The following ATRNL1 variants were observed in gnomAD, a reference collection of about 807,000 sequenced individuals.
The protein encoded by ATRNL1 is attractin-like protein 1.
In ATRNL1, 95 loss-of-function variants were observed where a neutral mutation model predicts 182.7. That is an observed-to-expected ratio of 0.52 (90% CI 0.44 to 0.62). ATRNL1 has a LOEUF of 0.62. Among genes scored for constraint, ATRNL1 ranks in the 20% least tolerant of loss-of-function variants. ATRNL1 has a pLI of 0.00. For synonymous variants in ATRNL1, 576 were observed against 568.3 expected, an observed-to-expected ratio of 1.01 and a Z score of -0.19; for missense variants, 1,471 against 1,679.5, an observed-to-expected ratio of 0.88 and a Z score of 2.17.
intron 21 of ATRNL1, among the ~76,000 whole-genome samples, chr10:115,452,969 T>G (rs149595002): frequency 9.2e-5 from 14 of 152,268 alleles, no homozygotes; most frequent in African/African-American, 3.4e-4. Flanking sequence ...TCAGGCTTAT[T>G]TCACTTAGCA....
At chr10:115,631,012 A>G (rs1592976842) in intron 26 of ATRNL1, among the ~76,000 whole-genome samples, 1 of 151,842 alleles carries the variant, frequency 6.6e-6, no homozygotes, top group Non-Finnish European at 1.5e-5. Flanking sequence ...TGTGGAAAGT[A>G]AAAAGGCCTA....
intron 28 of ATRNL1, among the ~76,000 whole-genome samples, chr10:115,854,457 C>T (rs565396648): frequency 6.6e-6 from 1 of 152,314 alleles, no homozygotes; most frequent in Admixed American, 6.5e-5. Flanking sequence ...CCCTTGCCTA[C>T]AGGCATTCCC....
At chr10:115,677,078 A>G (rs973964280) in intron 26 of ATRNL1, among the ~76,000 whole-genome samples, 19 of 152,266 alleles carry the variant, frequency 1.2e-4, no homozygotes, top group African/African-American at 3.6e-4. Flanking sequence ...AATGTCTTAC[A>G]TATAGTACAC....
intron 26 of ATRNL1, among the ~76,000 whole-genome samples, chr10:115,663,513 T>C (rs1351716483): frequency 6.6e-6 from 1 of 152,122 alleles, no homozygotes; most frequent in East Asian, 1.9e-4. Flanking sequence ...GCTATCTACC[T>C]TTCATTCTGC....
intron 14 of ATRNL1, among the ~76,000 whole-genome samples, chr10:115,282,173 TATATA>T (rs1208362316): frequency 2.7e-5 from 4 of 146,550 alleles, no homozygotes; most frequent in Admixed American, 2.1e-4. Flanking sequence ...ACATTTATAA[TATATA>T]ATATAATATA....
rs1427999231 is a variant in ATRNL1 at position 115,306,251 on chromosome 10, G to A, written c.2818+4208G>A. Among the ~76,000 whole-genome samples, 3 of 152,028 alleles carry A rather than the reference G, an allele frequency of 2.0e-5. No homozygotes were observed. The South Asian group carries it at 6.2e-4, about 32-fold the overall frequency. ...TTGTGACATAAACTTTTGAGTCTTTGCATGTCTAAAAGTGTACTTTTCATT... is the reference window on the plus strand; with the variant it reads ...TTGTGACATAAACTTTTGAGTCTTTACATGTCTAAAAGTGTACTTTTCATT... On this transcript the variant is annotated intron_variant, in intron 17 of 28. Transcript: ENST00000355044.
intron 26 of ATRNL1, among the ~76,000 whole-genome samples, chr10:115,688,321 T>C (rs1174691324): frequency 2.0e-5 from 3 of 152,166 alleles, no homozygotes; most frequent in African/African-American, 7.2e-5. Context: ...TTCCTTTGGA[T>C]AGATACCCAG....
chr10:115,606,923 A>C (rs1183697664), intron 26 of ATRNL1, among the ~76,000 whole-genome samples: 3 of 151,968 alleles, frequency 2.0e-5, no homozygotes, highest in Non-Finnish European at 2.9e-5. Context: ...TAATGTTTAG[A>C]GATACGCTCT....
At chr10:115,145,814 C>T (rs574300369) in intron 5 of ATRNL1, among the ~76,000 whole-genome samples, 18 of 152,136 alleles carry the variant, frequency 1.2e-4, no homozygotes, top group Non-Finnish European at 5.9e-5. Context: ...TATTAACAAT[C>T]CAGTTTCTTC....
intron 18 of ATRNL1, among the ~76,000 whole-genome samples, chr10:115,329,457 T>A (rs1554934388): frequency 6.6e-6 from 1 of 152,166 alleles, no homozygotes. Flanking sequence ...CTTGATGATC[T>A]GTCGATTGCT....
At chr10:115,301,833 TG>T (rs782526144) in intron 16 of ATRNL1, 21 bp from the exon 17 acceptor site, 4 of 1,553,914 alleles carry the variant, frequency 2.6e-6, no homozygotes, top group Non-Finnish European at 3.5e-6. Context: ...ATGAAATTAT[TG>T]TATTTGTTTA....
At chr10:115,799,484 T>G (rs1392203174) in intron 27 of ATRNL1, among the ~76,000 whole-genome samples, 1 of 152,106 alleles carries the variant, frequency 6.6e-6, no homozygotes, top group Non-Finnish European at 1.5e-5. Flanking sequence ...TTCCCAGTAT[T>G]CTCCCAGCCC....
At chr10:115,481,888 G>A (rs1298831117) in intron 24 of ATRNL1, among the ~76,000 whole-genome samples, 1 of 150,778 alleles carries the variant, frequency 6.6e-6, no homozygotes, top group East Asian at 1.9e-4. Flanking sequence ...ACCTCTTGGG[G>A]TTTGTTAAGA....
At chr10:115,414,102 A>G (rs889628722) in intron 20 of ATRNL1, among the ~76,000 whole-genome samples, 2 of 152,064 alleles carry the variant, frequency 1.3e-5, no homozygotes, top group Admixed American at 6.6e-5. Context: ...CTGACTTCCA[A>G]TGACATCAAC....
chr10:115,306,158 C>A (rs1414162014), intron 17 of ATRNL1, among the ~76,000 whole-genome samples: 1 of 151,970 alleles, frequency 6.6e-6, no homozygotes, highest in Non-Finnish European at 1.5e-5. Context: ...GGTGGTATAA[C>A]ACACATAACA....
chr10:115,433,223 T>A (rs1592650593), intron 21 of ATRNL1, among the ~76,000 whole-genome samples: 1 of 152,188 alleles, frequency 6.6e-6, no homozygotes, highest in East Asian at 1.9e-4. Flanking sequence ...AAAGATGACT[T>A]AAAATAGTAT....
chr10:115,945,898 G>A lies in ATRNL1; in HGVS notation c.*1119G>A, dbSNP rs1326026125. 6.6e-6 allele frequency: 1 copy of A among 152,112 alleles called. No homozygotes were observed. The highest frequency in any genetic ancestry group is 1.5e-5 in the Non-Finnish European group (1 of 68,030). 9.4% of individuals were successfully genotyped at this position (152,112 alleles called of 1,614,324 possible). A position where few individuals can be genotyped will look rare whatever the true frequency, so the allele number is the denominator to read the frequency against. Reference sequence around the variant, plus strand: ...TCCATGTCCTGAGAAAAAGTCTGTGGTTTAGAAAATATGTCCATGGTTGCC... The same window carrying A: ...TCCATGTCCTGAGAAAAAGTCTGTGATTTAGAAAATATGTCCATGGTTGCC... On this transcript the variant is annotated 3_prime_UTR_variant, in exon 29 of 29. Transcript: ENST00000355044.
intron 26 of ATRNL1, among the ~76,000 whole-genome samples, chr10:115,649,577 T>A (rs189383194): frequency 2.4e-4 from 37 of 152,296 alleles, no homozygotes; most frequent in Admixed American, 3.9e-4. Context: ...ACACCTCATC[T>A]GATGCTTGAG....
chr10:115,511,069 T>C (rs1375120214), intron 24 of ATRNL1, among the ~76,000 whole-genome samples: 1 of 152,036 alleles, frequency 6.6e-6, no homozygotes, highest in Non-Finnish European at 1.5e-5. Flanking sequence ...ATAATACTTA[T>C]GCAGAGCTGT....
Sources: gnomAD v4.1 joint callset for allele counts (sites outside exome capture counted in the v4.1 genomes callset) on GRCh38, gnomAD v4.1.1 for gene constraint, MANE v1.5 for transcripts, NCBI Gene and HGNC (gene_info 2026-07-23, HGNC 2026-07-21) for gene names.